TRPS1: variants seen among roughly 807,000 people sequenced by gnomAD.
TRPS1 encodes transcriptional repressor GATA binding 1, also known as zinc finger transcription factor Trps1.
Under a neutral mutation model 101.2 loss-of-function variants are expected in TRPS1, and 6 were observed. The observed-to-expected ratio is 0.06, with a 90% CI of 0.03 to 0.12. The LOEUF is 0.12. Ranked by LOEUF, TRPS1 falls within the 10% of genes least tolerant of loss-of-function variation. The pLI, the probability that TRPS1 is intolerant of heterozygous loss-of-function variation, is 1.00. For synonymous variants in TRPS1, 578 were observed against 589.8 expected (o/e 0.98, Z 0.29); for missense variants, 1,363 against 1,567.0 (o/e 0.87, Z 2.20).
At chr8:115,578,804 T>C (rs1382276918) in intron 5 of TRPS1, among the ~76,000 whole-genome samples, 1 of 152,158 alleles carries the variant, frequency 6.6e-6, no homozygotes, top group Non-Finnish European at 1.5e-5. Context: ...TCCAACTCTT[T>C]CGCAATAAGC....
chr8:115,562,876 C>CTCTGTGTGTG (rs1816979071), intron 5 of TRPS1, among the ~76,000 whole-genome samples: 2 of 132,592 alleles, frequency 1.5e-5, no homozygotes, highest in African/African-American at 5.4e-5. Flanking sequence ...CCCACAGTGT[C>CTCTGTGTGTG]TGTGTGTGTG....
chr8:115,476,958 T>G (rs1814621770), intron 5 of TRPS1, among the ~76,000 whole-genome samples: 1 of 152,276 alleles, frequency 6.6e-6, no homozygotes, highest in Admixed American at 6.5e-5. Context: ...AAAACAACAA[T>G]AATTATAGCC....
chr8:115,652,433 T>G (rs1268784925), intron 1 of TRPS1, among the ~76,000 whole-genome samples: 1 of 152,252 alleles, frequency 6.6e-6, no homozygotes, highest in Non-Finnish European at 1.5e-5. Context: ...ACTCCGTATC[T>G]GACTTAAAAA....
At chr8:115,636,154 T>C (rs1818762362) in intron 1 of TRPS1, among the ~76,000 whole-genome samples, 1 of 151,982 alleles carries the variant, frequency 6.6e-6, no homozygotes, top group South Asian at 2.1e-4. Context: ...TTCTATATAT[T>C]ACATATTAAT....
chr8:115,587,103 C>A lies in TRPS1; in HGVS notation c.2598G>T (p.Leu866=). The A allele has an allele frequency of 6.2e-7, 1 of 1,614,126 alleles. No individual in the cohort carries two copies. Among genetic ancestry groups the A allele is most frequent in the Non-Finnish European group, 8.5e-7 (1 of 1,180,028 alleles). Residue 866 remains leucine (L), a synonymous_variant, in exon 5 of 7, where the codon CTG becomes CTT. Transcript: ENST00000395715. ...TCTCTCCGCCAGCTGGCGCCCCCTGCAGGAATCCCTTGGTTTCCACAGCCA... is the reference window on the plus strand; with the variant it reads ...TCTCTCCGCCAGCTGGCGCCCCCTGAAGGAATCCCTTGGTTTCCACAGCCA... ...YGLAVETKGF[L]QGAPAGGEKS... is the part of the protein sequence containing the mutation.
chr8:115,515,164 A>T (rs1209549229), intron 5 of TRPS1: 2 of 683,806 alleles, frequency 2.9e-6, no homozygotes, highest in Non-Finnish European at 5.3e-6. Flanking sequence ...TCAATGTCCA[A>T]ATTCTTTTCG....
At chr8:115,584,793 T>A (rs1353803506) in intron 5 of TRPS1, among the ~76,000 whole-genome samples, 3 of 152,094 alleles carry the variant, frequency 2.0e-5, no homozygotes, top group Non-Finnish European at 4.4e-5. Flanking sequence ...AAGCTCATCA[T>A]CTAAGATATG....
chr8:115,577,979 G>A (rs759572804), intron 5 of TRPS1, among the ~76,000 whole-genome samples: 17 of 152,076 alleles, frequency 1.1e-4, no homozygotes, highest in African/African-American at 2.4e-4. Context: ...GAAATTATTC[G>A]CCCGAGAAAG....
At chr8:115,559,421 A>C (rs1176320512) in intron 5 of TRPS1, among the ~76,000 whole-genome samples, 4 of 152,280 alleles carry the variant, frequency 2.6e-5, no homozygotes, top group African/African-American at 7.2e-5. Context: ...TATAATAAGA[A>C]GTAAGTAGGT....
intron 5 of TRPS1, among the ~76,000 whole-genome samples, chr8:115,438,792 T>C (rs1813519158): frequency 6.6e-6 from 1 of 152,182 alleles, no homozygotes; most frequent in Admixed American, 6.6e-5. Flanking sequence ...TTTTCTGCTT[T>C]GTTTCATTCT....
At chr8:115,491,421 TTG>T (rs1815018679) in intron 5 of TRPS1, among the ~76,000 whole-genome samples, 1 of 152,310 alleles carries the variant, frequency 6.6e-6, no homozygotes, top group African/African-American at 2.4e-5. Flanking sequence ...GCTTGCTTTT[TTG>T]TCTTTTTAGC....
chr8:115,543,539 T>C (rs1816501990), intron 5 of TRPS1, among the ~76,000 whole-genome samples: 1 of 152,178 alleles, frequency 6.6e-6, no homozygotes, highest in African/African-American at 2.4e-5. Context: ...ATTTAAAAAA[T>C]ATATATCTAT....
chr8:115,637,459 G>A, intron 1 of TRPS1: 1 of 312,714 alleles, frequency 3.2e-6, no homozygotes, highest in Non-Finnish European at 4.6e-6. Context: ...GTAAAAGGAA[G>A]TGGAATTTTT....
At chr8:115,628,766 CG>C (rs1479404452) in intron 1 of TRPS1, among the ~76,000 whole-genome samples, 10 of 151,698 alleles carry the variant, frequency 6.6e-5, no homozygotes, top group African/African-American at 2.4e-4. Context: ...GATTTTAATA[CG>C]GTAACTGTTT....
chr8:115,667,994 G>A, intron 1 of TRPS1: 1 of 1,217,288 alleles, frequency 8.2e-7, no homozygotes, highest in Non-Finnish European at 1.2e-6. Context: ...CGCTGCGCCC[G>A]GTAGGAGAGA....
intron 5 of TRPS1, among the ~76,000 whole-genome samples, chr8:115,489,990 GCT>G (rs1277114987): frequency 6.6e-5 from 10 of 151,978 alleles, no homozygotes; most frequent in Non-Finnish European, 1.5e-4. Context: ...CTCTTTTTTA[GCT>G]AAATGTAAGA....
chr8:115,630,570 T>A (rs1818617287), intron 1 of TRPS1, among the ~76,000 whole-genome samples: 1 of 151,992 alleles, frequency 6.6e-6, no homozygotes, highest in African/African-American at 2.4e-5. Flanking sequence ...CAGAGGTAGG[T>A]TTTTTTAAGG....
intron 4 of TRPS1, among the ~76,000 whole-genome samples, chr8:115,597,160 G>A (rs1174557532): frequency 6.6e-6 from 1 of 151,878 alleles, no homozygotes; most frequent in Non-Finnish European, 1.5e-5. Context: ...CTATGAAAAG[G>A]TTTTCTTCTG....
chr8:115,471,863 C>T (rs1814478291), intron 5 of TRPS1, among the ~76,000 whole-genome samples: 1 of 152,202 alleles, frequency 6.6e-6, no homozygotes, highest in Non-Finnish European at 1.5e-5. Context: ...TCTTTTGACT[C>T]CATGTGTCAC....
Sources: allele counts gnomAD v4.1 joint callset (sites outside exome capture counted in the v4.1 genomes callset), GRCh38; gene constraint gnomAD v4.1.1; transcripts MANE v1.5; gene names NCBI Gene and HGNC (gene_info 2026-07-23, HGNC 2026-07-21).